Variants in ATP13A5 observed in about 807,000 individuals in gnomAD.
The protein encoded by ATP13A5 is probable cation-transporting ATPase 13A5.
Under a neutral mutation model 150.2 loss-of-function variants are expected in ATP13A5, and 149 were observed. That is an observed-to-expected ratio of 0.99 (90% CI 0.87 to 1.14). The LOEUF is 1.14. Ranked by LOEUF, ATP13A5 falls within the 50% of genes most tolerant of loss-of-function variation. The pLI, the probability that ATP13A5 is intolerant of heterozygous loss-of-function variation, is 0.00. For synonymous variants in ATP13A5, 497 were observed against 522.2 expected (o/e 0.95, Z 0.66); for missense variants, 1,383 against 1,449.3 (o/e 0.95, Z 0.74).
chr3:193,331,450 C>A (rs1341894094), intron 11 of ATP13A5, 139 bp from the exon 12 acceptor site: 2 of 719,490 alleles, frequency 2.8e-6, no homozygotes, highest in Non-Finnish European at 4.2e-6. Flanking sequence ...GTCCACCAAC[C>A]CCTTTCCTGG....
rs758278239 is a variant in ATP13A5 at position 193,364,167 on chromosome 3, C to T, written c.177G>A (p.Val59=). 30 of 1,612,258 alleles carry T rather than the reference C, an allele frequency of 1.9e-5. No homozygotes were observed. In the South Asian group the frequency reaches 3.0e-4, roughly 16 times the overall value. ...LVFYWRPQWR[V]WANCIPCPLQ... ...AGGGGCATGGGATGCAGTTGGCCCACACTCTCCACTGGGGTCTCCAGTAGA... is the reference window on the plus strand; with the variant it reads ...AGGGGCATGGGATGCAGTTGGCCCATACTCTCCACTGGGGTCTCCAGTAGA... Residue 59 remains valine, a synonymous_variant, in exon 2 of 30, where the codon GTG becomes GTA. Coordinates refer to ENST00000342358, the MANE Select transcript of ATP13A5 (RefSeq NM_198505.4).
intron 1 of ATP13A5, among the ~76,000 whole-genome samples, chr3:193,371,355 A>G (rs895674180): frequency 6.6e-6 from 1 of 151,984 alleles, no homozygotes; most frequent in South Asian, 2.1e-4. Flanking sequence ...AGGGCTGCAT[A>G]CTCTCTTGTT....
chr3:193,279,904 A>T (rs1053112799), intron 27 of ATP13A5, among the ~76,000 whole-genome samples: 10 of 136,896 alleles, frequency 7.3e-5, no homozygotes, highest in African/African-American at 2.7e-4. Flanking sequence ...CCTTATGGGC[A>T]ATTGGAAAGG....
chr3:193,340,788 G>A lies in ATP13A5; in HGVS notation c.943+3139C>T, dbSNP rs905511608. ...TGTTTTCTTCATATAACTTATAACTGTTGAAAATTTGTGTCATTTGTATAC... is the reference window on the plus strand; with the variant it reads ...TGTTTTCTTCATATAACTTATAACTATTGAAAATTTGTGTCATTTGTATAC... On this transcript the variant is annotated intron_variant, in intron 9 of 29. Transcript: ENST00000342358. Among the ~76,000 whole-genome samples the A allele has an allele frequency of 2.0e-5, 3 of 152,168 alleles. No individual in the cohort carries two copies. In the East Asian group the frequency reaches 5.8e-4, roughly 29 times the overall value.
chr3:193,345,619 T>C (rs1406355568), intron 7 of ATP13A5, among the ~76,000 whole-genome samples: 2 of 152,146 alleles, frequency 1.3e-5, no homozygotes, highest in Non-Finnish European at 2.9e-5. Flanking sequence ...GTGGTGGAAG[T>C]ATGGCTGCTG....
intron 20 of ATP13A5, among the ~76,000 whole-genome samples, chr3:193,311,132 G>C (rs541240683): frequency 1.3e-5 from 2 of 152,298 alleles, no homozygotes; most frequent in African/African-American, 4.8e-5. Flanking sequence ...CCAGCTAGCT[G>C]TGCACACCTT....
chr3:193,336,093 T>C (rs1233748755), intron 9 of ATP13A5, among the ~76,000 whole-genome samples: 5 of 152,166 alleles, frequency 3.3e-5, no homozygotes, highest in Non-Finnish European at 2.9e-5. Flanking sequence ...AATTTGGAAA[T>C]AGTATTATAT....
intron 12 of ATP13A5, 122 bp from the exon 13 acceptor site, chr3:193,327,179 A>G: frequency 2.4e-6 from 2 of 828,966 alleles, no homozygotes; most frequent in South Asian, 1.8e-5. Flanking sequence ...TACCTTGTTT[A>G]TAAGTACCAA....
rs1717207428 is a variant in ATP13A5, at chr3:193,276,470, A to G, written c.3396+280T>C. ...TCTTTACTAGATTGTTGAAAATATT[A>G]GAAAAGTGCAATACAGTGCATTCAT... On this transcript the variant is annotated intron_variant, in intron 29 of 29. Coordinates refer to ENST00000342358, the MANE Select transcript of ATP13A5 (RefSeq NM_198505.4). 3.9e-5 allele frequency among the ~76,000 whole-genome samples: 6 copies of G among 152,364 alleles called. No individual in the cohort carries two copies. The South Asian group carries it at 1.2e-3, about 32-fold the overall frequency.
At chr3:193,318,560 C>T (rs1177401247) in intron 17 of ATP13A5, among the ~76,000 whole-genome samples, 2 of 152,150 alleles carry the variant, frequency 1.3e-5, no homozygotes, top group Admixed American at 6.5e-5. Flanking sequence ...GAAAAAACCA[C>T]GTCTAAAGTA....
chr3:193,361,480 T>C (rs901382208), intron 5 of ATP13A5, among the ~76,000 whole-genome samples: 14 of 152,316 alleles, frequency 9.2e-5, no homozygotes, highest in Admixed American at 3.3e-4. Flanking sequence ...AAAACCTATA[T>C]TTTAAAGTAT....
chr3:193,347,944 A>G (rs367790786), intron 7 of ATP13A5, among the ~76,000 whole-genome samples: 7 of 152,336 alleles, frequency 4.6e-5, no homozygotes, highest in African/African-American at 1.7e-4. Context: ...GTCAGGCAGT[A>G]GAGAGAAGAA....
At chr3:193,338,628 G>A (rs556841635) in intron 9 of ATP13A5, among the ~76,000 whole-genome samples, 88 of 152,050 alleles carry the variant, frequency 5.8e-4, no homozygotes, top group African/African-American at 2.0e-3. Context: ...TGCTGGATTT[G>A]GTTTGCCAGT....
chr3:193,303,713 C>T (rs1281137592), intron 23 of ATP13A5, among the ~76,000 whole-genome samples: 1 of 151,954 alleles, frequency 6.6e-6, no homozygotes, highest in East Asian at 1.9e-4. Flanking sequence ...CAAACCAGCT[C>T]TCCTTCAGCC....
chr3:193,284,791 C>T (rs1209571839), intron 27 of ATP13A5, 123 bp downstream of exon 27: 1 of 856,692 alleles, frequency 1.2e-6, no homozygotes, highest in Admixed American at 3.0e-5. Flanking sequence ...CATTCAACAA[C>T]AATTTTAGAG....
chr3:193,314,993 T>TAG lies in ATP13A5; in HGVS notation c.2136_2137insCT (p.Ile713LeufsTer5), dbSNP rs1197705081. 6 of 1,613,744 alleles carry TAG rather than the reference T, an allele frequency of 3.7e-6. No homozygotes were observed. The highest frequency in any genetic ancestry group is 2.7e-5 in the African/African-American group (2 of 74,902). On this transcript the variant is annotated frameshift_variant, in exon 18 of 30. Transcript: ENST00000342358. LOFTEE classifies it high-confidence loss of function. Reference sequence around the variant, plus strand: ...ATACCTGTAATCATCACAGTCCTGATACGGGCCTCACTCAGTTCCTTCAAG... The same window carrying TAG: ...ATACCTGTAATCATCACAGTCCTGATAGACGGGCCTCACTCAGTTCCTTCAAG...
chr3:193,312,218 C>G (rs965564588), intron 19 of ATP13A5, among the ~76,000 whole-genome samples: 1 of 152,150 alleles, frequency 6.6e-6, no homozygotes, highest in Non-Finnish European at 1.5e-5. Context: ...GAAATCCAAC[C>G]ATTCTTAGGT....
chr3:193,292,713 C>T (rs950829947), intron 25 of ATP13A5, among the ~76,000 whole-genome samples: 6 of 152,110 alleles, frequency 3.9e-5, no homozygotes, highest in Middle Eastern at 3.2e-3. Context: ...CTCAGCTGAG[C>T]TGACCTAGAT....
rs1193559169 is a variant in ATP13A5, at chr3:193,322,699, ATTATC to A, written c.1675-130_1675-126del. ...TTTACATATTTTCTCTTCCAGGCCA[ATTATC>A]TTAATACTGTCATTGTCAAATTTCT... On this transcript the variant is annotated intron_variant, in intron 14 of 29. Coordinates refer to ENST00000342358, the MANE Select transcript of ATP13A5 (RefSeq NM_198505.4). 20 of 684,576 alleles carry A rather than the reference ATTATC, an allele frequency of 2.9e-5. No individual in the cohort carries two copies. The African/African-American group carries it at 3.2e-4, about 11-fold the overall frequency. 42.4% of individuals were successfully genotyped at this position (684,576 alleles called of 1,614,324 possible).
Sources: gnomAD v4.1 joint callset for allele counts (sites outside exome capture counted in the v4.1 genomes callset) on GRCh38, gnomAD v4.1.1 for gene constraint, MANE v1.5 for transcripts, NCBI Gene and HGNC (gene_info 2026-07-23, HGNC 2026-07-21) for gene names.